Variants in SLC25A39 observed in about 807,000 individuals in gnomAD.
The protein encoded by SLC25A39 is mitochondrial glutathione transporter SLC25A39.
A neutral mutation model predicts 46.6 loss-of-function variants in SLC25A39; 44 were observed. The observed-to-expected ratio is 0.94, with a 90% CI of 0.74 to 1.21. The LOEUF (loss-of-function observed/expected upper bound fraction) is 1.21, where lower values mean the gene tolerates loss of function less well. Among genes scored for constraint, SLC25A39 ranks in the 50% most tolerant of loss-of-function variants. SLC25A39 has a pLI of 0.00. For missense variants in SLC25A39, 487 were observed against 473.0 expected (o/e 1.03, Z -0.28); for synonymous variants, 218 against 190.6 (o/e 1.14, Z -1.19).
intron 3 of SLC25A39, 86 bp downstream of exon 3, chr17:44,323,198 C>A (rs1405208631): frequency 6.6e-7 from 1 of 1,512,974 alleles, no homozygotes; most frequent in Non-Finnish European, 9.1e-7. Context: ...GCTGGGATTA[C>A]AGGTATGAGA....
intron 2 of SLC25A39, 41 bp downstream of exon 2, chr17:44,323,437 C>CCCAA: frequency 2.4e-6 from 3 of 1,257,542 alleles, no homozygotes; most frequent in Non-Finnish European, 3.3e-6. Flanking sequence ...CCGGTCTGCC[C>CCCAA]CATCCCCACC....
At chr17:44,322,313 A>G in intron 5 of SLC25A39, 106 bp downstream of exon 5, 3 of 1,280,304 alleles carry the variant, frequency 2.3e-6, no homozygotes, top group Non-Finnish European at 3.3e-6. Context: ...GGAACCGGCT[A>G]CCTCTGCGTG....
chr17:44,321,347 G>A, intron 7 of SLC25A39, 87 bp downstream of exon 7: 1 of 1,599,492 alleles, frequency 6.3e-7, no homozygotes. Context: ...CCCTAGGCTG[G>A]CAGAGGTTGG....
At position 44,323,594 on chromosome 17, in the gene SLC25A39, A is replaced by G. The variant is rs759327379; in HGVS notation, c.-15-17T>C. ...GCTTCAGTCCTGAAAACCAAACCTC[A>G]AACAGACCACAACTCCAGGGATGGC... is the stretch of plus-strand genomic sequence containing the variant. On this transcript the variant is annotated splice_polypyrimidine_tract_variant and intron_variant, in intron 1 of 11. Transcript: ENST00000377095. 1.3e-6 allele frequency: 2 copies of G among 1,527,200 alleles called. No homozygotes were observed. Among genetic ancestry groups the G allele is most frequent in the Non-Finnish European group, 1.8e-6 (2 of 1,126,430 alleles). The allele number at this position is 1,527,200 out of a possible 1,614,324, so 94.6% of individuals were successfully genotyped here.
chr17:44,321,519 G>A lies in SLC25A39; in HGVS notation c.432C>T (p.Ala144=). ...ACAGGAAGGCCTTCAGTTGGTCATA[G>A]GCAGTGAAGTAGATGGCGGTAGCTG... ...TVPATAIYFT[A]YDQLKAFLCG... Residue 144 remains alanine, a synonymous_variant, in exon 7 of 12, where the codon GCC becomes GCT. Transcript: ENST00000377095. 1 of 1,614,136 alleles carries A rather than the reference G, an allele frequency of 6.2e-7. No individual in the cohort carries two copies. The highest frequency in any genetic ancestry group is 2.2e-5 in the East Asian group (1 of 44,888).
chr17:44,320,861 C>G (rs1474421716), intron 8 of SLC25A39, 130 bp from the exon 9 acceptor site: 1 of 964,264 alleles, frequency 1.0e-6, no homozygotes, highest in East Asian at 2.5e-5. Context: ...CAGAAGCAGG[C>G]ACTCTGTAGG....
Position 44,322,520 on chromosome 17 carries a change from G to A in SLC25A39, c.223C>T (p.Leu75Phe), listed in dbSNP as rs576564272. 141 of 1,614,012 alleles carry A rather than the reference G, an allele frequency of 8.7e-5. 3 individuals are homozygous for A. In the South Asian group the frequency reaches 1.4e-3, roughly 16 times the overall value. Residue 75 changes from leucine (L) to phenylalanine (F), a missense_variant, in exon 5 of 12, where the codon CTC becomes TTC. Coordinates refer to ENST00000377095, the MANE Select transcript of SLC25A39 (RefSeq NM_001143780.3). Reference sequence around the variant, plus strand: ...TCCAGGACACCATTGCAATACAGGAGGCACTTCCCTGTGGATTGGAGAGAG... The same window carrying A: ...TCCAGGACACCATTGCAATACAGGAAGCACTTCCCTGTGGATTGGAGAGAG... ...PSSLQSTGKC[L>F]LYCNGVLEPL...
Position 44,322,845 on chromosome 17 carries a change from C to T in SLC25A39, c.153G>A (p.Met51Ile), listed in dbSNP as rs1420083086. 1.9e-6 allele frequency: 3 copies of T among 1,614,078 alleles called. No homozygotes were observed. The highest frequency in any genetic ancestry group is 1.1e-5 in the South Asian group (1 of 91,084). ...AGAGGCTCCACAGTCTGGAGGAAGGCATCAGCTCTAAAATACAAGGCAGCC... is the reference window on the plus strand; with the variant it reads ...AGAGGCTCCACAGTCTGGAGGAAGGTATCAGCTCTAAAATACAAGGCAGCC... ...SQRPSMASELMPSSRLWSLSY... is the reference protein window; with the variant it reads ...SQRPSMASELIPSSRLWSLSY... Residue 51 changes from methionine to isoleucine, a missense_variant, in exon 4 of 12, where the codon ATG becomes ATA. Physicochemically the swap from Met to Ile is conservative, Grantham distance 10 (BLOSUM62 1). Transcript: ENST00000377095.
Position 44,322,482 on chromosome 17 carries a change from C to A in SLC25A39, c.261G>T (p.Leu87=). ...TGGCACAGCGGGCACCATTTGGGCA[C>A]AGGTACAGAGGCTCCAGGACACCAT... is the stretch of plus-strand genomic sequence containing the variant. The part of the protein sequence containing the change: ...YCNGVLEPLY[L]CPNGARCATW... Residue 87 remains leucine (L), a synonymous_variant, in exon 5 of 12, where the codon CTG becomes CTT. Transcript: ENST00000377095. 6.2e-7 allele frequency: 1 copy of A among 1,614,148 alleles called. No individual in the cohort carries two copies. Among genetic ancestry groups the A allele is most frequent in the Non-Finnish European group, 8.5e-7 (1 of 1,180,012 alleles).
Position 44,323,454 on chromosome 17 carries a change from CACCCCA to C in SLC25A39, c.85+18_85+23del. 6.7e-7 allele frequency: 1 copy of C among 1,492,912 alleles called. No individual in the cohort carries two copies. 92.5% of individuals were successfully genotyped at this position (1,492,912 alleles called of 1,614,324 possible). On this transcript the variant is annotated intron_variant, in intron 2 of 11. Transcript: ENST00000377095. The stretch of plus-strand genomic sequence containing the variant: ...GGTCTGCCCCATCCCCACCCGCCCC[CACCCCA>C]CCTCCCCTAGGTCTTACTGAAGAGA...
At chr17:44,321,257 G>T in intron 7 of SLC25A39, 26 bp from the exon 8 acceptor site, 1 of 1,591,090 alleles carries the variant, frequency 6.3e-7, no homozygotes, top group South Asian at 1.1e-5. Flanking sequence ...GGGTGACAAT[G>T]GGGAGAAGTG....
At position 44,323,269 on chromosome 17, in the gene SLC25A39, A is replaced by G. The variant is rs1214186918; in HGVS notation, c.145+15T>C. ...CCAGGCACCACCCCTCACTAGTTCC[A>G]GGTCAGGTACTCACCGCTGGCCATG... On this transcript the variant is annotated intron_variant, in intron 3 of 11. Transcript: ENST00000377095. The G allele has an allele frequency of 9.9e-6, 16 of 1,613,578 alleles. No homozygotes were observed. The highest frequency in any genetic ancestry group is 1.4e-5 in the Non-Finnish European group (16 of 1,179,834).
rs201618124 is a variant in SLC25A39, at chr17:44,320,383, G to C, written c.855C>G (p.Val285=). Residue 285 remains valine, a synonymous_variant, in exon 10 of 12, where the codon GTC becomes GTG. Coordinates refer to ENST00000377095, the MANE Select transcript of SLC25A39 (RefSeq NM_001143780.3). ...PFDVVKTQRQ[V]ALGAMEAVRV... is the part of the protein sequence containing the mutation. ...TCACAGCCTCCATCGCTCCCAGAGCGACCTGGCGTTGGGTCTTTACCACGT... is the reference window on the plus strand; with the variant it reads ...TCACAGCCTCCATCGCTCCCAGAGCCACCTGGCGTTGGGTCTTTACCACGT... The C allele has an allele frequency of 6.1e-5, 98 of 1,613,606 alleles. No homozygotes were observed. In the East Asian group the frequency reaches 2.0e-3, roughly 33 times the overall value.
intron 5 of SLC25A39, 75 bp downstream of exon 5, chr17:44,322,344 C>T (rs2048072594): frequency 6.4e-7 from 1 of 1,571,800 alleles, no homozygotes; most frequent in Non-Finnish European, 8.7e-7. Flanking sequence ...TCCCTTTACT[C>T]CTGGGTCTGC....
At chr17:44,321,856 G>T in intron 5 of SLC25A39, 89 bp from the exon 6 acceptor site, 1 of 1,358,418 alleles carries the variant, frequency 7.4e-7, no homozygotes, top group Non-Finnish European at 1.0e-6. Flanking sequence ...TTTGCCTGAC[G>T]CCCTCAGCCT....
At chr17:44,322,674 C>T (rs1267041659) in intron 4 of SLC25A39, 122 bp from the exon 5 acceptor site, 12 of 1,557,248 alleles carry the variant, frequency 7.7e-6, no homozygotes, top group Non-Finnish European at 7.8e-6. Flanking sequence ...TGGTGCAGGT[C>T]ACAGGACTGG....
chr17:44,322,286 C>T (rs922761520), intron 5 of SLC25A39, 133 bp downstream of exon 5: 18 of 935,866 alleles, frequency 1.9e-5, no homozygotes, highest in African/African-American at 3.3e-5. Flanking sequence ...CTGCCTTCTC[C>T]GGAAGCACTT....
rs186314042 is a variant in SLC25A39 at position 44,320,372 on chromosome 17, G to A, written c.866C>T (p.Ala289Val). 62 of 1,613,560 alleles carry A rather than the reference G, an allele frequency of 3.8e-5. No individual in the cohort carries two copies. In the African/African-American group the frequency reaches 6.4e-4, roughly 17 times the overall value. ...GCCCTCACCTCTCACAGCCTCCATCGCTCCCAGAGCGACCTGGCGTTGGGT... is the reference window on the plus strand; with the variant it reads ...GCCCTCACCTCTCACAGCCTCCATCACTCCCAGAGCGACCTGGCGTTGGGT... ...VKTQRQVALG[A>V]MEAVRVNPLH... Residue 289 changes from alanine to valine, a missense_variant, in exon 10 of 12, where the codon GCG becomes GTG. Ala to Val is a moderately conservative substitution (Grantham distance 64, BLOSUM62 0). Coordinates refer to ENST00000377095, the MANE Select transcript of SLC25A39 (RefSeq NM_001143780.3).
Position 44,321,759 on chromosome 17 carries a change from G to C in SLC25A39, c.333C>G (p.Phe111Leu). 1 of 1,612,020 alleles carries C rather than the reference G, an allele frequency of 6.2e-7. No homozygotes were observed. Among genetic ancestry groups the C allele is most frequent in the South Asian group, 1.1e-5 (1 of 90,906 alleles). The change falls in exon 6 of 12, where the codon TTC becomes TTG. Residue 111 changes from phenylalanine (F) to leucine (L), a missense_variant. Phe to Leu is a conservative substitution (Grantham distance 22). Coordinates refer to ENST00000377095, the MANE Select transcript of SLC25A39 (RefSeq NM_001143780.3). The part of the protein sequence containing the change: ...PTRFTGTMDA[F>L]VKIVRHEGTR... Reference sequence around the variant, plus strand: ...TGCCCTCGTGCCTCACGATCTTCACGAAGGCATCCTGGCCAAGCAGGCACC... The same window carrying C: ...TGCCCTCGTGCCTCACGATCTTCACCAAGGCATCCTGGCCAAGCAGGCACC...
Sources: gnomAD v4.1 joint callset for allele counts on GRCh38, gnomAD v4.1.1 for gene constraint, MANE v1.5 for transcripts, NCBI Gene and HGNC (gene_info 2026-07-23, HGNC 2026-07-21) for gene names.